The following ATP11A variants were observed in gnomAD, a reference collection of about 807,000 sequenced individuals.
ATP11A encodes ATPase phospholipid transporting 11A.
In ATP11A, 81 loss-of-function variants were observed where a neutral mutation model predicts 154.4. The observed-to-expected ratio is 0.52, with a 90% CI of 0.44 to 0.63. The LOEUF (loss-of-function observed/expected upper bound fraction) is 0.63, where lower values mean the gene tolerates loss of function less well. Among genes scored for constraint, ATP11A ranks in the 30% least tolerant of loss-of-function variants. The pLI is 0.00. For missense variants in ATP11A, 1,316 were observed against 1,474.3 expected (o/e 0.89, Z 1.76); for synonymous variants, 623 against 585.9 (o/e 1.06, Z -0.91).
At chr13:112,796,062 TAAAGGAAG>T (rs1262162103) in intron 2 of ATP11A, among the ~76,000 whole-genome samples, 2 of 152,234 alleles carry the variant, frequency 1.3e-5, no homozygotes, top group Non-Finnish European at 2.9e-5. Flanking sequence ...GTGGTTTTTG[TAAAGGAAG>T]AAAGTGCCTA....
rs551231850 is a variant in ATP11A at position 112,788,778 on chromosome 13, C to T, written c.162+3521C>T. Among the ~76,000 whole-genome samples, 29 of 145,238 alleles carry T rather than the reference C, an allele frequency of 2.0e-4. No individual in the cohort carries two copies. In the South Asian group the frequency reaches 2.1e-3, roughly 10 times the overall value. ...ATTTAATTCACACCGGGTGTCCTGG[C>T]GTGTAAACCCCTGTGTAGATCTACT... On this transcript the variant is annotated intron_variant, in intron 2 of 29. Coordinates refer to ENST00000375645, the MANE Select transcript of ATP11A (RefSeq NM_015205.3).
intron 1 of ATP11A, among the ~76,000 whole-genome samples, chr13:112,767,995 C>T (rs1224579169): frequency 3.9e-5 from 6 of 152,206 alleles, no homozygotes; most frequent in Admixed American, 3.9e-4. Flanking sequence ...GGTCACTGCT[C>T]TCTGGCCTGG....
intron 25 of ATP11A, among the ~76,000 whole-genome samples, chr13:112,866,353 A>ATG (rs2080332288): frequency 6.6e-6 from 1 of 152,032 alleles, no homozygotes; most frequent in East Asian, 1.9e-4. Flanking sequence ...GCGCCTCCTG[A>ATG]CGCACATCCT....
intron 1 of ATP11A, among the ~76,000 whole-genome samples, chr13:112,715,775 C>T (rs1271787445): frequency 6.6e-6 from 1 of 151,870 alleles, no homozygotes; most frequent in Non-Finnish European, 1.5e-5. Context: ...GCACCTGTTT[C>T]TGTGTTGCTC....
intron 1 of ATP11A, among the ~76,000 whole-genome samples, chr13:112,725,608 C>T (rs1012526156): frequency 6.6e-6 from 1 of 152,186 alleles, no homozygotes; most frequent in Non-Finnish European, 1.5e-5. Context: ...AAGCTTTTCT[C>T]GTGTGTAGTA....
intron 12 of ATP11A, 77 bp downstream of exon 12, chr13:112,826,968 C>G: frequency 6.8e-7 from 1 of 1,480,714 alleles, no homozygotes; most frequent in South Asian, 1.2e-5. Context: ...AGGTCCTGTG[C>G]CTGTCATCCG....
intron 1 of ATP11A, among the ~76,000 whole-genome samples, chr13:112,758,431 CT>C (rs1396524682): frequency 9.9e-5 from 14 of 140,788 alleles, no homozygotes; most frequent in East Asian, 8.6e-4. Flanking sequence ...TCTTTTTTTT[CT>C]TTTTTTTTTG....
intron 2 of ATP11A, among the ~76,000 whole-genome samples, chr13:112,802,945 G>A (rs2078178105): frequency 1.3e-5 from 2 of 152,158 alleles, no homozygotes; most frequent in South Asian, 4.2e-4. Context: ...GACCTAGGGA[G>A]GACATGGAAA....
intron 2 of ATP11A, among the ~76,000 whole-genome samples, chr13:112,802,263 G>A (rs773839793): frequency 7.9e-5 from 12 of 152,134 alleles, no homozygotes; most frequent in South Asian, 4.1e-4. Flanking sequence ...GGAGAATGGC[G>A]CGAACCCAGG....
intron 1 of ATP11A, among the ~76,000 whole-genome samples, chr13:112,699,908 A>G (rs111236113): frequency 6.6e-6 from 1 of 152,320 alleles, no homozygotes; most frequent in African/African-American, 2.4e-5. Flanking sequence ...ATTAATGGAC[A>G]TGAAAATAAC....
intron 17 of ATP11A, among the ~76,000 whole-genome samples, chr13:112,843,365 G>T (rs983225614): frequency 2.0e-5 from 3 of 152,168 alleles, no homozygotes; most frequent in Non-Finnish European, 4.4e-5. Flanking sequence ...TGCTCCCCAC[G>T]TGGCTGCTTT....
intron 17 of ATP11A, among the ~76,000 whole-genome samples, chr13:112,845,304 G>A (rs1392644647): frequency 8.4e-6 from 1 of 118,490 alleles, no homozygotes; most frequent in African/African-American, 4.4e-5. Flanking sequence ...GGCACTAGTG[G>A]TTCTAACCAG....
intron 1 of ATP11A, among the ~76,000 whole-genome samples, chr13:112,778,990 G>C (rs1470024398): frequency 6.7e-5 from 9 of 135,298 alleles, no homozygotes; most frequent in East Asian, 2.3e-4. Context: ...AGGAGTAGCC[G>C]CTGGAGTGAA....
chr13:112,824,455 A>C, intron 10 of ATP11A, 30 bp downstream of exon 10: 1 of 1,600,638 alleles, frequency 6.2e-7, no homozygotes, highest in Non-Finnish European at 8.6e-7. Flanking sequence ...AGAACCTGCA[A>C]CTTAAAAGTG....
intron 22 of ATP11A, chr13:112,858,943 A>G: frequency 4.4e-6 from 1 of 228,930 alleles, no homozygotes; most frequent in Non-Finnish European, 8.7e-6. Flanking sequence ...CAGACTCTGC[A>G]TCCCCCCAGG....
chr13:112,785,291 G>T lies in ATP11A; in HGVS notation c.162+34G>T. The stretch of plus-strand genomic sequence containing the variant: ...GCTTGGGTCTGAGTGTCCATAATGT[G>T]TCTAAAAAGCAGCTGCCGGGGGGTG... On this transcript the variant is annotated intron_variant, in intron 2 of 29. Coordinates refer to ENST00000375645, the MANE Select transcript of ATP11A (RefSeq NM_015205.3). The surrounding 1 kb of genome is among the most constrained non-coding windows in gnomAD (Gnocchi z 4.8). The T allele has an allele frequency of 7.1e-7, 1 of 1,408,036 alleles. No homozygotes were observed. The highest frequency in any genetic ancestry group is 1.5e-5 in the African/African-American group (1 of 67,398). The allele number at this position is 1,408,036 out of a possible 1,614,324, so 87.2% of individuals were successfully genotyped here.
chr13:112,729,366 C>T (rs111948887), intron 1 of ATP11A, among the ~76,000 whole-genome samples: 6,429 of 152,278 alleles, frequency 0.042, 457 homozygotes, highest in African/African-American at 0.15. Context: ...AGCACAGTCC[C>T]CTCGCCTTAG....
At chr13:112,861,404 A>G (rs2080099586) in intron 24 of ATP11A, among the ~76,000 whole-genome samples, 1 of 152,242 alleles carries the variant, frequency 6.6e-6, no homozygotes, top group Admixed American at 6.5e-5. Context: ...CACGCAAGAA[A>G]CTGCAGTCCA....
intron 1 of ATP11A, among the ~76,000 whole-genome samples, chr13:112,781,511 A>C (rs767206243): frequency 3.3e-5 from 5 of 151,954 alleles, no homozygotes; most frequent in Non-Finnish European, 7.4e-5. Flanking sequence ...TGGGCCTCCT[A>C]ATCCCTTCAT....
Sources: gnomAD v4.1 joint callset for allele counts (sites outside exome capture counted in the v4.1 genomes callset) on GRCh38, gnomAD v4.1.1 for gene constraint, Gnocchi (gnomAD v3.1) non-coding constraint, MANE v1.5 for transcripts, NCBI Gene and HGNC (gene_info 2026-07-23, HGNC 2026-07-21) for gene names.